AGTR1: variants seen among roughly 807,000 people sequenced by gnomAD.
AGTR1 encodes the protein angiotensin II receptor type 1.
AGTR1 carries 16 observed loss-of-function variants against 19.4 expected under a neutral mutation model. That is an observed-to-expected ratio of 0.82 (90% CI 0.56 to 1.25). AGTR1 has a LOEUF of 1.25. AGTR1 is among the 50% of genes most tolerant of loss of function. The pLI, the probability that AGTR1 is intolerant of heterozygous loss-of-function variation, is 0.00. For missense variants in AGTR1, 373 were observed against 431.9 expected (o/e 0.86, Z 1.21); for synonymous variants, 153 against 154.9 (o/e 0.99, Z 0.09).
intron 2 of AGTR1, among the ~76,000 whole-genome samples, chr3:148,732,057 A>C (rs1415029051): frequency 6.6e-6 from 1 of 152,238 alleles, no homozygotes; most frequent in Non-Finnish European, 1.5e-5. Context: ...GCTAAACTTT[A>C]AAAAGTTGTA....
chr3:148,721,603 G>A (rs1459148084), intron 2 of AGTR1, among the ~76,000 whole-genome samples: 2 of 152,178 alleles, frequency 1.3e-5, no homozygotes, highest in Non-Finnish European at 2.9e-5. Flanking sequence ...CCAGCCCACT[G>A]CCTGGAGGGA....
chr3:148,736,284 T>C (rs1385760752), intron 2 of AGTR1, among the ~76,000 whole-genome samples: 6 of 152,244 alleles, frequency 3.9e-5, no homozygotes, highest in African/African-American at 9.6e-5. Context: ...CCAACACCTA[T>C]GTTTGCCACA....
chr3:148,740,881 A>C lies in AGTR1; in HGVS notation c.-47-108A>C, dbSNP rs1158166044. The C allele has an allele frequency of 9.1e-6, 9 of 985,190 alleles. No homozygotes were observed. The Admixed American group carries it at 2.4e-4, about 27-fold the overall frequency. The allele number at this position is 985,190 out of a possible 1,614,324, so 61.0% of individuals were successfully genotyped here. On this transcript the variant is annotated intron_variant, in intron 2 of 2. Coordinates refer to ENST00000349243, the MANE Select transcript of AGTR1 (RefSeq NM_000685.5). The stretch of plus-strand genomic sequence containing the variant: ...GAAATATGATCCAGTATTTTTTCCT[A>C]AGACTAAAGTTGAGTTACTACGTTT...
chr3:148,726,922 G>T (rs536735426), intron 2 of AGTR1, among the ~76,000 whole-genome samples: 1 of 152,218 alleles, frequency 6.6e-6, no homozygotes, highest in Non-Finnish European at 1.5e-5. Flanking sequence ...AAAGGGGAGA[G>T]TATAATTTCC....
chr3:148,738,979 T>G (rs1419619908), intron 2 of AGTR1, among the ~76,000 whole-genome samples: 1 of 152,194 alleles, frequency 6.6e-6, no homozygotes, highest in African/African-American at 2.4e-5. Context: ...AGGAAACAAG[T>G]AAACACTAGT....
At chr3:148,727,271 T>C (rs1159266219) in intron 2 of AGTR1, among the ~76,000 whole-genome samples, 1 of 152,246 alleles carries the variant, frequency 6.6e-6, no homozygotes, top group Non-Finnish European at 1.5e-5. Context: ...ACTTGGTTTC[T>C]AATGAAAGCC....
chr3:148,729,685 A>T (rs1193091228), intron 2 of AGTR1, among the ~76,000 whole-genome samples: 1 of 152,202 alleles, frequency 6.6e-6, no homozygotes, highest in African/African-American at 2.4e-5. Context: ...TAGAAAACGC[A>T]AGTAGCCTAA....
intron 2 of AGTR1, among the ~76,000 whole-genome samples, chr3:148,708,429 C>G (rs1457008740): frequency 2.6e-5 from 4 of 152,064 alleles, no homozygotes; most frequent in Admixed American, 2.6e-4. Context: ...TCTTTGATAC[C>G]CCAGTGCTCA....
intron 2 of AGTR1, among the ~76,000 whole-genome samples, chr3:148,734,675 A>G (rs1714468836): frequency 6.6e-6 from 1 of 152,204 alleles, no homozygotes; most frequent in East Asian, 1.9e-4. Flanking sequence ...TTTAACATGA[A>G]GTTAGTCTAG....
chr3:148,735,772 G>A (rs1469488504), intron 2 of AGTR1, among the ~76,000 whole-genome samples: 2 of 152,126 alleles, frequency 1.3e-5, no homozygotes, highest in African/African-American at 4.8e-5. Context: ...GAGAGAGGTG[G>A]GGGAAGCAAC....
At chr3:148,732,987 G>A (rs12695905) in intron 2 of AGTR1, among the ~76,000 whole-genome samples, 6,850 of 151,674 alleles carry the variant, frequency 0.045, 174 homozygotes, top group East Asian at 0.053. Context: ...TGATCCGCCC[G>A]CCTCGGCCTC....
chr3:148,698,557 G>A (rs978073724), intron 1 of AGTR1, among the ~76,000 whole-genome samples: 1 of 152,130 alleles, frequency 6.6e-6, no homozygotes, highest in African/African-American at 2.4e-5. Flanking sequence ...GTGAAGTTAA[G>A]AGTGTCTCCA....
Position 148,717,000 on chromosome 3 carries a change from A to G in AGTR1, c.-48+8973A>G, listed in dbSNP as rs550512591. The stretch of plus-strand genomic sequence containing the variant: ...AAAATAAAAATAAATCTCAAGTCCA[A>G]CAATGAATCATCTTTGAGACTCTCC... On this transcript the variant is annotated intron_variant, in intron 2 of 2. Transcript: ENST00000349243. The surrounding 1 kb of genome is among the most constrained non-coding windows in gnomAD (Gnocchi z 4.7). 1.1e-3 allele frequency among the ~76,000 whole-genome samples: 164 copies of G among 152,312 alleles called. 1 individual carries two copies. Among genetic ancestry groups the G allele is most frequent in the African/African-American group, 3.9e-3 (161 of 41,586 alleles).
At position 148,718,804 on chromosome 3, in the gene AGTR1, A is replaced by T. The variant is rs986399644; in HGVS notation, c.-48+10777A>T. ...TTTCTTTTGTTCCAATAGGAAAATA[A>T]ATGCTTTAAAATTTGAAGTTGAAAC... On this transcript the variant is annotated intron_variant, in intron 2 of 2. Transcript: ENST00000349243. 7.9e-5 allele frequency among the ~76,000 whole-genome samples: 12 copies of T among 152,380 alleles called. No homozygotes were observed. In the East Asian group the frequency reaches 2.3e-3, roughly 29 times the overall value.
intron 2 of AGTR1, among the ~76,000 whole-genome samples, chr3:148,718,399 A>T (rs1318633900): frequency 6.6e-6 from 1 of 152,198 alleles, no homozygotes; most frequent in African/African-American, 2.4e-5. Context: ...TCTAATCAGG[A>T]TGGCTCTGTA....
intron 1 of AGTR1, among the ~76,000 whole-genome samples, chr3:148,699,092 C>T (rs275654): frequency 0.017 from 2,596 of 152,252 alleles, 37 homozygotes; most frequent in Non-Finnish European, 0.028. Context: ...CTACTCCCCC[C>T]CTTCAGGAGC....
intron 2 of AGTR1, among the ~76,000 whole-genome samples, chr3:148,718,358 G>A (rs1231012940): frequency 6.6e-6 from 1 of 152,176 alleles, no homozygotes; most frequent in African/African-American, 2.4e-5. Flanking sequence ...TAGGAGGCCT[G>A]CTGCATATGC....
At chr3:148,701,208 C>T (rs1712316225) in intron 1 of AGTR1, among the ~76,000 whole-genome samples, 1 of 152,192 alleles carries the variant, frequency 6.6e-6, no homozygotes, top group South Asian at 2.1e-4. Context: ...ATTTAAAGAA[C>T]TATAAATTGC....
chr3:148,698,826 T>A (rs1712143166), intron 1 of AGTR1, among the ~76,000 whole-genome samples: 2 of 152,342 alleles, frequency 1.3e-5, no homozygotes, highest in South Asian at 4.1e-4. Flanking sequence ...AAAGGTCTCC[T>A]GCTTCCAGGA....
Sources: gnomAD v4.1 joint callset for allele counts (sites outside exome capture counted in the v4.1 genomes callset) on GRCh38, gnomAD v4.1.1 for gene constraint, Gnocchi (gnomAD v3.1) non-coding constraint, MANE v1.5 for transcripts, NCBI Gene and HGNC (gene_info 2026-07-23, HGNC 2026-07-21) for gene names.